Variants in SH2D3C observed in about 807,000 individuals in gnomAD.
SH2D3C encodes SH2 domain containing 3C.
A neutral mutation model predicts 75.2 loss-of-function variants in SH2D3C; 25 were observed. That is an observed-to-expected ratio of 0.33 (90% CI 0.24 to 0.46). SH2D3C has a LOEUF of 0.46. Among genes scored for constraint, SH2D3C ranks in the 20% least tolerant of loss-of-function variants. SH2D3C has a pLI of 1.00. For missense variants in SH2D3C, 933 were observed against 1,165.3 expected (o/e 0.80, Z 2.90); for synonymous variants, 450 against 473.7 (o/e 0.95, Z 0.65).
At position 127,754,424 on chromosome 9, in the gene SH2D3C, C is replaced by G. The variant is rs1845298408; in HGVS notation, c.556-3124G>C. ...CCTCCAGCTCCCCTCGGCGTCCCAA[C>G]CCCAAGCAAAGCCATCCCCAAAGGA... On this transcript the variant is annotated intron_variant, in intron 3 of 11. Transcript: ENST00000314830. This position sits in a 1 kb window ranked among gnomAD's most constrained non-coding sequence, Gnocchi z 4.4. Among the ~76,000 whole-genome samples, 2 of 152,140 alleles carry G rather than the reference C, an allele frequency of 1.3e-5. No individual in the cohort carries two copies. Among genetic ancestry groups the G allele is most frequent in the African/African-American group, 4.8e-5 (2 of 41,436 alleles).
chr9:127,758,376 T>TAA (rs112967033), intron 3 of SH2D3C, among the ~76,000 whole-genome samples: 10,996 of 145,908 alleles, frequency 0.075, 947 homozygotes, highest in African/African-American at 0.21. Context: ...TTTACAATGT[T>TAA]AAAAAAAAAA....
In SH2D3C at chr9:127,744,609, C is replaced by T. The variant is rs1274102514; in HGVS notation, c.1755G>A (p.Val585=). The T allele has an allele frequency of 1.2e-6, 2 of 1,612,624 alleles. No homozygotes were observed. Among genetic ancestry groups the T allele is most frequent in the East Asian group, 4.5e-5 (2 of 44,830 alleles). ...LRKVKELLAE[V]DARTLARHVT... ...CATGCCGGGCCAGCGTCCGGGCATC[C>T]ACTTCTGCCAGCAGCTCCTTGACCT... is the stretch of plus-strand genomic sequence containing the variant. Residue 585 remains valine (V), a synonymous_variant, in exon 7 of 12, where the codon GTG becomes GTA. Transcript: ENST00000314830.
At chr9:127,776,823 C>T (rs930011522) in intron 1 of SH2D3C, among the ~76,000 whole-genome samples, 1 of 152,206 alleles carries the variant, frequency 6.6e-6, no homozygotes, top group African/African-American at 2.4e-5. Flanking sequence ...GGTTTGCTTC[C>T]CAGCCCTGCC....
chr9:127,761,154 A>G (rs1845515477), intron 3 of SH2D3C, among the ~76,000 whole-genome samples: 1 of 152,142 alleles, frequency 6.6e-6, no homozygotes, highest in Non-Finnish European at 1.5e-5. Flanking sequence ...ACTGCATTTC[A>G]ATGTTCCCAG....
At chr9:127,765,745 T>A (rs888403307) in intron 2 of SH2D3C, among the ~76,000 whole-genome samples, 6 of 152,190 alleles carry the variant, frequency 3.9e-5, no homozygotes. Flanking sequence ...ATTGTAATGA[T>A]CAAATCCAGG....
intron 1 of SH2D3C, 148 bp downstream of exon 1, chr9:127,778,443 C>T (rs1417746168): frequency 1.0e-5 from 7 of 695,600 alleles, no homozygotes; most frequent in East Asian, 8.2e-5. Flanking sequence ...GTGACAGAGA[C>T]GCTGGTGTCC....
Position 127,749,381 on chromosome 9 carries a change from G to C in SH2D3C, c.969C>G (p.Phe323Leu), listed in dbSNP as rs749855816. ...AIIYCPVNRT[F>L]PLRYLEASYG... ...AGCTGGCCTCGAGGTAGCGCAGTGG[G>C]AAGGTGCGGTTCACCGGGCAGTAGA... The change falls in exon 5 of 12, where the codon TTC (phenylalanine) becomes TTG (leucine). Residue 323 changes from phenylalanine to leucine, a missense_variant. Phe to Leu is a conservative substitution (Grantham distance 22). Transcript: ENST00000314830. The surrounding 1 kb of genome is among the most constrained non-coding windows in gnomAD (Gnocchi z 5.9). 4.3e-6 allele frequency: 7 copies of C among 1,614,036 alleles called. No homozygotes were observed. The highest frequency in any genetic ancestry group is 5.9e-6 in the Non-Finnish European group (7 of 1,180,026).
intron 5 of SH2D3C, among the ~76,000 whole-genome samples, chr9:127,748,872 C>A (rs1350886085): frequency 6.6e-6 from 1 of 152,182 alleles, no homozygotes; most frequent in Non-Finnish European, 1.5e-5. Context: ...GACCAGGCCC[C>A]TCTCCGGTTC....
At chr9:127,758,295 A>T (rs948177284) in intron 3 of SH2D3C, among the ~76,000 whole-genome samples, 3 of 152,200 alleles carry the variant, frequency 2.0e-5, no homozygotes, top group Non-Finnish European at 4.4e-5. Context: ...CTTGAAACTA[A>T]AATTAACATT....
At chr9:127,753,123 G>T (rs1330739390) in intron 3 of SH2D3C, among the ~76,000 whole-genome samples, 2 of 152,122 alleles carry the variant, frequency 1.3e-5, no homozygotes, top group African/African-American at 4.8e-5. Context: ...GCTGCCTCAG[G>T]GAGCTGGGGT....
chr9:127,775,147 G>T (rs1845791772), intron 1 of SH2D3C, among the ~76,000 whole-genome samples: 1 of 152,082 alleles, frequency 6.6e-6, no homozygotes, highest in South Asian at 2.1e-4. Context: ...ATGGTGCTTG[G>T]CACACAGAAT....
At chr9:127,776,376 A>G (rs1845809876) in intron 1 of SH2D3C, among the ~76,000 whole-genome samples, 1 of 151,564 alleles carries the variant, frequency 6.6e-6, no homozygotes, top group African/African-American at 2.4e-5. Context: ...GTGGGGGTGG[A>G]ATGAGGAGGG....
At chr9:127,745,230 G>C in intron 6 of SH2D3C, 131 bp from the exon 7 acceptor site, 1 of 672,404 alleles carries the variant, frequency 1.5e-6, no homozygotes, top group South Asian at 4.6e-5. Flanking sequence ...CCACCTCCCT[G>C]CATCACCAGA....
Position 127,774,407 on chromosome 9 carries a change from C to T in SH2D3C, c.98G>A (p.Arg33Lys), listed in dbSNP as rs764175116. The T allele has an allele frequency of 2.5e-6, 4 of 1,613,674 alleles. No homozygotes were observed. In the African/African-American group the frequency reaches 4.0e-5, roughly 16 times the overall value. Residue 33 changes from arginine (R) to lysine (K), a missense_variant, in exon 2 of 12, where the codon AGA becomes AAA. Transcript: ENST00000314830. The surrounding 1 kb of genome is among the most constrained non-coding windows in gnomAD (Gnocchi z 4.3). Reference protein sequence around the residue: ...LSNLPRSFTLRRSSASISRQS... With the variant: ...LSNLPRSFTLKRSSASISRQS... Reference sequence around the variant, plus strand: ...CCTACTGATGGAAGCTGAGGATCGTCTCAGAGTGAAGGACCGAGGGAGGTT... The same window carrying T: ...CCTACTGATGGAAGCTGAGGATCGTTTCAGAGTGAAGGACCGAGGGAGGTT...
At chr9:127,757,621 G>T (rs866780922) in intron 3 of SH2D3C, among the ~76,000 whole-genome samples, 3 of 116,642 alleles carry the variant, frequency 2.6e-5, no homozygotes, top group African/African-American at 8.8e-5. Flanking sequence ...TGATGATGAT[G>T]ATGATGATGA....
chr9:127,777,370 T>G (rs1489040713), intron 1 of SH2D3C, among the ~76,000 whole-genome samples: 1 of 152,088 alleles, frequency 6.6e-6, no homozygotes, highest in African/African-American at 2.4e-5. Flanking sequence ...CCAGCCTCAC[T>G]GCTGTTGGGA....
intron 2 of SH2D3C, among the ~76,000 whole-genome samples, chr9:127,764,817 C>T (rs1370626657): frequency 6.6e-6 from 1 of 152,178 alleles, no homozygotes; most frequent in Non-Finnish European, 1.5e-5. Flanking sequence ...AAGCGATTCT[C>T]CTGCCTCAGC....
intron 6 of SH2D3C, among the ~76,000 whole-genome samples, chr9:127,745,542 C>G (rs947280287): frequency 2.1e-5 from 3 of 144,792 alleles, no homozygotes; most frequent in African/African-American, 5.3e-5. Context: ...AGGCTCACTG[C>G]AACCTCCACC....
At chr9:127,757,529 C>T (rs890060591) in intron 3 of SH2D3C, among the ~76,000 whole-genome samples, 3 of 151,214 alleles carry the variant, frequency 2.0e-5, no homozygotes, top group Admixed American at 6.6e-5. Flanking sequence ...CTCCTGGGTT[C>T]GAGTGATTCT....
Sources: gnomAD v4.1 joint callset for allele counts (sites outside exome capture counted in the v4.1 genomes callset) on GRCh38, gnomAD v4.1.1 for gene constraint, Gnocchi (gnomAD v3.1) non-coding constraint, MANE v1.5 for transcripts, NCBI Gene and HGNC (gene_info 2026-07-23, HGNC 2026-07-21) for gene names.